CTNNA3: variants seen among roughly 807,000 people sequenced by gnomAD.
The protein encoded by CTNNA3 is catenin alpha 3, also known as catenin alpha-3.
Under a neutral mutation model 95.7 loss-of-function variants are expected in CTNNA3, and 76 were observed. That is an observed-to-expected ratio of 0.79 (90% CI 0.66 to 0.96). The LOEUF (loss-of-function observed/expected upper bound fraction) is 0.96. Ranked by LOEUF, CTNNA3 falls within the 40% of genes least tolerant of loss-of-function variation. CTNNA3 has a pLI of 0.00. For missense variants in CTNNA3, 1,191 were observed against 1,089.8 expected, an observed-to-expected ratio of 1.09 and a Z score of -1.31; for synonymous variants, 431 against 374.4, an observed-to-expected ratio of 1.15 and a Z score of -1.74.
chr10:66,700,297 A>T (rs1847902416), intron 9 of CTNNA3, among the ~76,000 whole-genome samples: 1 of 151,976 alleles, frequency 6.6e-6, no homozygotes, highest in African/African-American at 2.4e-5. Flanking sequence ...ATTCATTTTG[A>T]CTTAATTTTT....
chr10:66,315,116 A>C (rs1249089530), intron 12 of CTNNA3, among the ~76,000 whole-genome samples: 2 of 152,058 alleles, frequency 1.3e-5, no homozygotes, highest in African/African-American at 4.8e-5. Context: ...AATTTTACTG[A>C]GATAGCTTAT....
intron 9 of CTNNA3, among the ~76,000 whole-genome samples, chr10:66,676,729 TA>T (rs1195106305): frequency 5.3e-5 from 8 of 152,260 alleles, no homozygotes; most frequent in African/African-American, 1.7e-4. Context: ...AGGTAATTTA[TA>T]CAAATAAAAT....
intron 9 of CTNNA3, among the ~76,000 whole-genome samples, chr10:66,735,111 G>T (rs1342130080): frequency 6.6e-6 from 1 of 151,634 alleles, no homozygotes; most frequent in Non-Finnish European, 1.5e-5. Context: ...AACAGTGAAA[G>T]TTTTCTAAAT....
In CTNNA3 at chr10:66,404,315, C is replaced by G. The variant is rs151263676; in HGVS notation, c.1532-24963G>C. ...CAGAGAGGCTGATTTGACCAACAGC[C>G]CAGGTTCTCTTACATGGGCCAGCTT... On this transcript the variant is annotated intron_variant, in intron 11 of 17. Coordinates refer to ENST00000433211, the MANE Select transcript of CTNNA3 (RefSeq NM_013266.4). 1.5e-3 allele frequency among the ~76,000 whole-genome samples: 233 copies of G among 152,240 alleles called. 1 individual carries two copies. Among genetic ancestry groups the G allele is most frequent in the African/African-American group, 5.5e-3 (227 of 41,550 alleles).
At chr10:67,672,596 G>C (rs1007350622) in intron 1 of CTNNA3, among the ~76,000 whole-genome samples, 4 of 152,086 alleles carry the variant, frequency 2.6e-5, no homozygotes, top group African/African-American at 7.2e-5. Context: ...AGTTTTCCCA[G>C]CACCATTTAT....
At chr10:66,808,798 A>G (rs1441554595) in intron 7 of CTNNA3, among the ~76,000 whole-genome samples, 2 of 152,108 alleles carry the variant, frequency 1.3e-5, no homozygotes, top group Non-Finnish European at 2.9e-5. Context: ...TGTTCCAATA[A>G]TCCTTATTTT....
At chr10:67,241,457 T>C (rs1488251765) in intron 5 of CTNNA3, among the ~76,000 whole-genome samples, 1 of 152,128 alleles carries the variant, frequency 6.6e-6, no homozygotes, top group African/African-American at 2.4e-5. Flanking sequence ...AAATTTTTCC[T>C]CTAAAGCATA....
chr10:67,713,787 G>T (rs1466383156), intron 1 of CTNNA3, among the ~76,000 whole-genome samples: 4 of 152,118 alleles, frequency 2.6e-5, no homozygotes, highest in Non-Finnish European at 5.9e-5. Flanking sequence ...GCCTGTCGGG[G>T]GATGGGAGGA....
intron 7 of CTNNA3, among the ~76,000 whole-genome samples, chr10:67,044,298 A>G (rs976937271): frequency 1.3e-5 from 2 of 152,180 alleles, no homozygotes; most frequent in African/African-American, 4.8e-5. Context: ...TTATTTAACA[A>G]TTTAACGAGG....
At chr10:66,019,901 GTATTATAA>G (rs1330690555) in intron 15 of CTNNA3, among the ~76,000 whole-genome samples, 2 of 152,058 alleles carry the variant, frequency 1.3e-5, no homozygotes, top group Non-Finnish European at 2.9e-5. Context: ...TATCGCTGCA[GTATTATAA>G]TTAACACAAT....
chr10:66,336,008 G>A (rs1046966715), intron 12 of CTNNA3, among the ~76,000 whole-genome samples: 9 of 152,204 alleles, frequency 5.9e-5, no homozygotes, highest in South Asian at 2.1e-4. Context: ...GCGAGGCTCC[G>A]TGCTTGTAGG....
chr10:67,331,238 T>C (rs1841781432), intron 5 of CTNNA3, among the ~76,000 whole-genome samples: 1 of 152,314 alleles, frequency 6.6e-6, no homozygotes, highest in East Asian at 1.9e-4. Context: ...GTTGGCAAAC[T>C]GTTTTTCTTC....
chr10:66,389,723 TGGAG>T (rs1472890477), intron 11 of CTNNA3, among the ~76,000 whole-genome samples: 1 of 98,082 alleles, frequency 1.0e-5, no homozygotes, highest in African/African-American at 5.5e-5. Context: ...TATATATATA[TGGAG>T]AGAGAGAGAG....
At chr10:67,639,883 A>G (rs1431373104) in intron 2 of CTNNA3, among the ~76,000 whole-genome samples, 1 of 152,198 alleles carries the variant, frequency 6.6e-6, no homozygotes, top group Admixed American at 6.5e-5. Flanking sequence ...ATTTATGACC[A>G]ACCGACAGCC....
intron 7 of CTNNA3, among the ~76,000 whole-genome samples, chr10:66,928,976 A>C (rs999136867): frequency 6.6e-6 from 1 of 152,216 alleles, no homozygotes; most frequent in African/African-American, 2.4e-5. Flanking sequence ...CTTAGAAAAG[A>C]AAATTGCAGG....
intron 13 of CTNNA3, among the ~76,000 whole-genome samples, chr10:66,192,148 G>T (rs2086706878): frequency 6.6e-6 from 1 of 152,026 alleles, no homozygotes; most frequent in Non-Finnish European, 1.5e-5. Flanking sequence ...AACAAACCAA[G>T]ATAGATCTGA....
chr10:67,158,624 G>T (rs951237218), intron 7 of CTNNA3, among the ~76,000 whole-genome samples: 1 of 152,112 alleles, frequency 6.6e-6, no homozygotes, highest in Admixed American at 6.5e-5. Context: ...AGTGTAGCAC[G>T]AATTGGACCC....
chr10:67,367,405 CA>C (rs368044423), intron 5 of CTNNA3, among the ~76,000 whole-genome samples: 38 of 142,378 alleles, frequency 2.7e-4, no homozygotes, highest in Admixed American at 1.9e-3. Context: ...AATAAAAAGT[CA>C]AAAAAAAAAC....
At chr10:65,973,402 C>T (rs949892461) in intron 16 of CTNNA3, among the ~76,000 whole-genome samples, 2 of 152,074 alleles carry the variant, frequency 1.3e-5, no homozygotes, top group Admixed American at 1.3e-4. Flanking sequence ...CAACAGAGTA[C>T]ATAGACAACC....
Sources: allele counts gnomAD v4.1 joint callset (sites outside exome capture counted in the v4.1 genomes callset), GRCh38; gene constraint gnomAD v4.1.1; transcripts MANE v1.5; gene names NCBI Gene and HGNC (gene_info 2026-07-23, HGNC 2026-07-21).